Variants in WWOX observed in about 807,000 individuals in gnomAD.
WWOX encodes WW domain containing oxidoreductase, also known as WW domain-containing oxidoreductase.
In WWOX, 69 loss-of-function variants were observed where a neutral mutation model predicts 46.2. The observed-to-expected ratio is 1.49, with a 90% CI of 1.23 to 1.82. WWOX has a LOEUF of 1.82. Among genes scored for constraint, WWOX ranks in the 40% most tolerant of loss-of-function variants. The probability of loss-of-function intolerance (pLI) is 0.00; values close to 1 mark genes in which losing one functional copy is unlikely to be tolerated. For missense variants in WWOX, 919 were observed against 542.6 expected (o/e 1.69, Z -6.89); for synonymous variants, 359 against 202.6 (o/e 1.77, Z -6.56).
At chr16:79,120,654 G>A (rs188897056) in intron 8 of WWOX, among the ~76,000 whole-genome samples, 52 of 152,240 alleles carry the variant, frequency 3.4e-4, no homozygotes, top group Middle Eastern at 3.4e-3. Flanking sequence ...CGCCCTTCCC[G>A]GCTTCAGGTC....
At chr16:78,145,354 C>T (rs2034161293) in intron 4 of WWOX, among the ~76,000 whole-genome samples, 1 of 152,158 alleles carries the variant, frequency 6.6e-6, no homozygotes, top group Admixed American at 6.5e-5. Context: ...GTGTAGCCTT[C>T]AGGCTGTGGT....
At chr16:78,644,770 G>A (rs376636114) in intron 8 of WWOX, among the ~76,000 whole-genome samples, 31 of 152,074 alleles carry the variant, frequency 2.0e-4, no homozygotes, top group Non-Finnish European at 2.9e-4. Context: ...GCCAAACCTC[G>A]GCACTTTTAT....
rs149571822 is a variant in WWOX at position 78,499,451 on chromosome 16, A to G, written c.1056+66699A>G. Among the ~76,000 whole-genome samples, 6 of 152,104 alleles carry G rather than the reference A, an allele frequency of 3.9e-5. No homozygotes were observed. In the East Asian group the frequency reaches 7.8e-4, roughly 20 times the overall value. On this transcript the variant is annotated intron_variant, in intron 8 of 8. Transcript: ENST00000566780. ...CACCTGTTCACTTTTTACCATAGCT[A>G]ACCTTTCTAAGTGGTCAGGTGGGAC...
At chr16:78,873,612 C>G (rs1055474116) in intron 8 of WWOX, 1 of 151,908 alleles carries the variant, frequency 6.6e-6, no homozygotes, top group African/African-American at 2.4e-5. Context: ...CATACTGACA[C>G]CTCATCTCTA....
intron 8 of WWOX, among the ~76,000 whole-genome samples, chr16:78,818,045 A>G (rs1289945800): frequency 9.2e-5 from 14 of 152,320 alleles, no homozygotes; most frequent in Admixed American, 9.1e-4. Context: ...CAAGGGTCTC[A>G]GTCAACCTTA....
rs190838148 is a variant in WWOX at position 78,984,173 on chromosome 16, C to T, written c.1057-227435C>T. Among the ~76,000 whole-genome samples, 1,148 of 152,178 alleles carry T rather than the reference C, an allele frequency of 7.5e-3. 4 individuals are homozygous for T. The highest frequency in any genetic ancestry group is 0.013 in the Non-Finnish European group (882 of 68,008). Reference sequence around the variant, plus strand: ...CATTACAGGCATGAGCCATCGCGCCCGGCCAGAGGGCTATTCTTTGTCTTT... The same window carrying T: ...CATTACAGGCATGAGCCATCGCGCCTGGCCAGAGGGCTATTCTTTGTCTTT... On this transcript the variant is annotated intron_variant, in intron 8 of 8. Coordinates refer to ENST00000566780, the MANE Select transcript of WWOX (RefSeq NM_016373.4).
At chr16:78,802,793 G>C (rs541114971) in intron 8 of WWOX, among the ~76,000 whole-genome samples, 6 of 151,536 alleles carry the variant, frequency 4.0e-5, no homozygotes, top group South Asian at 4.2e-4. Context: ...GTGGGCGCCT[G>C]TAATCCCAGC....
chr16:78,523,117 A>T (rs1432926672), intron 8 of WWOX, among the ~76,000 whole-genome samples: 1 of 152,200 alleles, frequency 6.6e-6, no homozygotes, highest in Non-Finnish European at 1.5e-5. Context: ...CACTGGTACG[A>T]GAAGAAATTA....
chr16:78,769,294 G>GTCCA (rs940437314), intron 8 of WWOX, among the ~76,000 whole-genome samples: 1 of 152,056 alleles, frequency 6.6e-6, no homozygotes, highest in African/African-American at 2.4e-5. Context: ...CCATCCGTCT[G>GTCCA]TCCATCCATC....
At chr16:78,285,429 T>C (rs114806485) in intron 5 of WWOX, among the ~76,000 whole-genome samples, 2,189 of 150,398 alleles carry the variant, frequency 0.015, 45 homozygotes, top group African/African-American at 0.051. Context: ...TGAGACCCTG[T>C]CTCTGAAAAA....
chr16:78,560,384 T>C (rs967506970), intron 8 of WWOX, among the ~76,000 whole-genome samples: 1 of 152,216 alleles, frequency 6.6e-6, no homozygotes. Flanking sequence ...GGCTCACGCC[T>C]GTAATCCCAG....
intron 8 of WWOX, among the ~76,000 whole-genome samples, chr16:79,056,155 C>G (rs959019879): frequency 1.3e-5 from 2 of 150,650 alleles, no homozygotes; most frequent in Non-Finnish European, 2.9e-5. Flanking sequence ...ACCTCCCTGT[C>G]TTTTTACTAA....
intron 5 of WWOX, among the ~76,000 whole-genome samples, chr16:78,327,433 G>C (rs1027247687): frequency 6.6e-5 from 10 of 152,092 alleles, no homozygotes; most frequent in South Asian, 6.2e-4. Flanking sequence ...AGTACCCTCA[G>C]TGTGGAAGGA....
intron 8 of WWOX, among the ~76,000 whole-genome samples, chr16:78,672,437 G>A (rs971034206): frequency 6.6e-6 from 1 of 152,164 alleles, no homozygotes; most frequent in Non-Finnish European, 1.5e-5. Context: ...GACTAAGACT[G>A]GAATGTGGGT....
intron 8 of WWOX, among the ~76,000 whole-genome samples, chr16:78,736,019 T>C (rs2049083523): frequency 6.6e-6 from 1 of 152,214 alleles, no homozygotes. Flanking sequence ...CTGAACCCTG[T>C]GTTTTGTTGA....
Position 79,073,472 on chromosome 16 carries a change from G to T in WWOX, c.1057-138136G>T, listed in dbSNP as rs1329110403. ...TGGGGTTTCAAGCATGAGCCACCGC[G>T]CCTGGCTTTGTTATTATAGAGTTAT... On this transcript the variant is annotated intron_variant, in intron 8 of 8. Coordinates refer to ENST00000566780, the MANE Select transcript of WWOX (RefSeq NM_016373.4). Among the ~76,000 whole-genome samples, 5 of 152,188 alleles carry T rather than the reference G, an allele frequency of 3.3e-5. No homozygotes were observed. In the East Asian group the frequency reaches 9.7e-4, roughly 29 times the overall value.
intron 8 of WWOX, among the ~76,000 whole-genome samples, chr16:78,689,435 C>G (rs1156615073): frequency 2.0e-5 from 3 of 152,174 alleles, no homozygotes; most frequent in Non-Finnish European, 4.4e-5. Flanking sequence ...GCAAAGAATC[C>G]TTGACCAAAC....
chr16:78,396,958 G>A (rs1386329748), intron 6 of WWOX, among the ~76,000 whole-genome samples: 1 of 152,186 alleles, frequency 6.6e-6, no homozygotes, highest in Non-Finnish European at 1.5e-5. Context: ...GTGGCCCAGA[G>A]ACCCTTTAAA....
intron 8 of WWOX, among the ~76,000 whole-genome samples, chr16:78,574,760 A>C (rs116076074): frequency 4.0e-5 from 6 of 150,996 alleles, no homozygotes; most frequent in Non-Finnish European, 8.8e-5. Flanking sequence ...AAGCTCATAG[A>C]ATAGAAACAG....
Sources: allele counts gnomAD v4.1 joint callset (sites outside exome capture counted in the v4.1 genomes callset), GRCh38; gene constraint gnomAD v4.1.1; transcripts MANE v1.5; gene names NCBI Gene and HGNC (gene_info 2026-07-23, HGNC 2026-07-21).